The following MAP9 variants were observed in gnomAD, a reference collection of about 807,000 sequenced individuals.
MAP9 encodes the protein microtubule-associated protein 9.
Under a neutral mutation model 75.2 loss-of-function variants are expected in MAP9, and 80 were observed. The observed-to-expected ratio is 1.06, with a 90% CI of 0.89 to 1.28. MAP9 has a LOEUF of 1.28. MAP9 is among the 50% of genes most tolerant of loss of function. MAP9 has a pLI of 0.00. For synonymous variants in MAP9, 235 were observed against 237.3 expected (o/e 0.99, Z 0.09); for missense variants, 753 against 719.9 (o/e 1.05, Z -0.53).
At chr4:155,364,431 T>C (rs1732229900) in intron 5 of MAP9, among the ~76,000 whole-genome samples, 1 of 149,036 alleles carries the variant, frequency 6.7e-6, no homozygotes, top group Admixed American at 6.7e-5. Flanking sequence ...TTTATAGATA[T>C]GTAATATCTA....
At position 155,373,389 on chromosome 4, in the gene MAP9, A is replaced by C; in HGVS notation, c.228T>G (p.Phe76Leu). The change falls in exon 4 of 14, where the codon TTT (phenylalanine) becomes TTG (leucine). Residue 76 changes from phenylalanine to leucine, a missense_variant. Physicochemically the swap from Phe to Leu is conservative, Grantham distance 22 (BLOSUM62 0). Coordinates refer to ENST00000311277, the MANE Select transcript of MAP9 (RefSeq NM_001039580.2). ...TCTTTTCTTCATCATCTGATATATG[A>C]AAGTCATTCATTTTTTTATTAACTG... ...ENSVNKKMND[F>L]HISDDEEKNP... 6.2e-7 allele frequency: 1 copy of C among 1,604,860 alleles called. No individual in the cohort carries two copies.
chr4:155,366,338 G>A lies in MAP9; in HGVS notation c.708+2248C>T, dbSNP rs565076512. On this transcript the variant is annotated intron_variant, in intron 5 of 13. Coordinates refer to ENST00000311277, the MANE Select transcript of MAP9 (RefSeq NM_001039580.2). ...TGCACCACTGCACTCCAGCCTGGGC[G>A]ATAGAACGAGACTCTGTCTCAAAAA... is the stretch of plus-strand genomic sequence containing the variant. 3.5e-4 allele frequency among the ~76,000 whole-genome samples: 51 copies of A among 145,026 alleles called. 1 individual carries two copies. The highest frequency in any genetic ancestry group is 1.3e-3 in the African/African-American group (48 of 38,124).
intron 8 of MAP9, chr4:155,357,160 A>C (rs1560807117): frequency 3.3e-6 from 1 of 305,952 alleles, no homozygotes; most frequent in Non-Finnish European, 6.0e-6. Context: ...ACTGACATTA[A>C]GAAAGAAGAA....
At position 155,344,253 on chromosome 4, in the gene MAP9, A is replaced by ATT; in HGVS notation, c.*3529_*3530insAA. 1 of 152,068 alleles carries ATT rather than the reference A, an allele frequency of 6.6e-6. No homozygotes were observed. The highest frequency in any genetic ancestry group is 1.9e-4 in the East Asian group (1 of 5,182). The allele number at this position is 152,068 out of a possible 1,614,324, so 9.4% of individuals were successfully genotyped here. A position where few individuals can be genotyped will look rare whatever the true frequency, so the allele number is the denominator to read the frequency against. On this transcript the variant is annotated 3_prime_UTR_variant, in exon 14 of 14. Transcript: ENST00000311277. ...CAGCAGTGGAGGAGTAAGGAGATAAATAAGAGGACATGAATCAACTAAATT... is the reference window on the plus strand; with the variant it reads ...CAGCAGTGGAGGAGTAAGGAGATAAATTTAAGAGGACATGAATCAACTAAATT...
chr4:155,356,864 T>C (rs1335505578), intron 8 of MAP9, among the ~76,000 whole-genome samples: 1 of 152,132 alleles, frequency 6.6e-6, no homozygotes, highest in Non-Finnish European at 1.5e-5. Flanking sequence ...TGACTAACGA[T>C]AATTTTAAAG....
chr4:155,356,542 C>T (rs1052008640), intron 8 of MAP9, among the ~76,000 whole-genome samples: 7 of 152,124 alleles, frequency 4.6e-5, no homozygotes, highest in African/African-American at 1.4e-4. Flanking sequence ...AGGTTATAAT[C>T]ACTCTTTTAA....
intron 13 of MAP9, chr4:155,351,044 TAAAC>T (rs546955812): frequency 9.7e-4 from 147 of 151,866 alleles, no homozygotes; most frequent in Middle Eastern, 6.8e-3. Context: ...AAAAAATAAA[TAAAC>T]AAGACTGGTC....
At chr4:155,348,998 AAAC>A (rs1225853604) in intron 13 of MAP9, among the ~76,000 whole-genome samples, 4 of 152,202 alleles carry the variant, frequency 2.6e-5, no homozygotes, top group Non-Finnish European at 5.9e-5. Flanking sequence ...CAAAGAAAAT[AAAC>A]AACAGATAAT....
At chr4:155,354,333 C>T (rs1289170709) in intron 10 of MAP9, 2 of 152,088 alleles carry the variant, frequency 1.3e-5, no homozygotes, top group Non-Finnish European at 2.9e-5. Context: ...AACAAAAGTT[C>T]ACCTCCATTC....
chr4:155,355,127 C>T lies in MAP9; in HGVS notation c.1324G>A (p.Glu442Lys). The T allele has an allele frequency of 7.2e-7, 1 of 1,396,138 alleles. No homozygotes were observed. Among genetic ancestry groups the T allele is most frequent in the South Asian group, 1.3e-5 (1 of 74,104 alleles). 86.5% of individuals were successfully genotyped at this position (1,396,138 alleles called of 1,614,324 possible). A position where few individuals can be genotyped will look rare whatever the true frequency, so the allele number is the denominator to read the frequency against. ...WLEKKNVYLH[E>K]MHRIKRIESE... ...TCAATTCTTTTTATTCTGTGCATTT[C>T]ATGTAAATACACATTTTTCTTTTCT... The change falls in exon 10 of 14, where the codon GAA becomes AAA. Residue 442 changes from glutamate (E) to lysine (K), a missense_variant. Physicochemically the swap from Glu to Lys is moderately conservative, Grantham distance 56 (BLOSUM62 1). Transcript: ENST00000311277.
intron 13 of MAP9, 103 bp from the exon 14 acceptor site, chr4:155,348,008 A>C: frequency 1.4e-6 from 1 of 707,464 alleles, no homozygotes; most frequent in Non-Finnish European, 2.3e-6. Context: ...TAGGATATTT[A>C]TATATCACTT....
intron 4 of MAP9, among the ~76,000 whole-genome samples, chr4:155,369,655 T>C (rs1454123162): frequency 6.6e-6 from 1 of 152,056 alleles, no homozygotes; most frequent in Non-Finnish European, 1.5e-5. Flanking sequence ...CAAGACTAGA[T>C]TACTAAGATT....
At chr4:155,364,188 G>C (rs1426602258) in intron 5 of MAP9, among the ~76,000 whole-genome samples, 2 of 152,022 alleles carry the variant, frequency 1.3e-5, no homozygotes, top group Non-Finnish European at 2.9e-5. Flanking sequence ...AACCTATAAA[G>C]AGCTGGAGGT....
chr4:155,351,044 T>C (rs927402935), intron 13 of MAP9: 1 of 151,748 alleles, frequency 6.6e-6, no homozygotes, highest in Non-Finnish European at 1.5e-5. Flanking sequence ...AAAAAATAAA[T>C]AAACAAGACT....
intron 4 of MAP9, among the ~76,000 whole-genome samples, chr4:155,369,992 C>T (rs1732522760): frequency 6.6e-6 from 1 of 152,146 alleles, no homozygotes; most frequent in Non-Finnish European, 1.5e-5. Flanking sequence ...TAACATCTTC[C>T]TCCCATTTAC....
In MAP9 at chr4:155,355,904, T is replaced by A. The variant is rs780003707; in HGVS notation, c.1122-20A>T. On this transcript the variant is annotated intron_variant, in intron 8 of 13. Transcript: ENST00000311277. ...ATTAATCTGAAAAGATCCAAATGAA[T>A]CAAGACAAAATATTACAATTGCATT... 83 of 1,593,790 alleles carry A rather than the reference T, an allele frequency of 5.2e-5. No individual in the cohort carries two copies. The highest frequency in any genetic ancestry group is 5.1e-4 in the South Asian group (46 of 90,022).
chr4:155,371,523 G>GAA (rs74645728), intron 4 of MAP9, among the ~76,000 whole-genome samples: 10,912 of 149,230 alleles, frequency 0.073, 910 homozygotes, highest in East Asian at 0.41. Context: ...TTCCCAAAAA[G>GAA]AAAAAAAAAT....
At chr4:155,353,575 TCA>T (rs1731624679) in intron 10 of MAP9, among the ~76,000 whole-genome samples, 1 of 152,146 alleles carries the variant, frequency 6.6e-6, no homozygotes, top group African/African-American at 2.4e-5. Context: ...AAAACATTTA[TCA>T]CATATTGACC....
chr4:155,366,136 G>C (rs1246683158), intron 5 of MAP9, among the ~76,000 whole-genome samples: 71 of 152,114 alleles, frequency 4.7e-4, no homozygotes, highest in Admixed American at 4.5e-3. Flanking sequence ...CGAGGTGGGT[G>C]GATCACGATG....
Sources: allele counts gnomAD v4.1 joint callset (sites outside exome capture counted in the v4.1 genomes callset), GRCh38; gene constraint gnomAD v4.1.1; transcripts MANE v1.5; gene names NCBI Gene and HGNC (gene_info 2026-07-23, HGNC 2026-07-21).